PTN: variants seen among roughly 807,000 people sequenced by gnomAD.
PTN encodes pleiotrophin.
Under a neutral mutation model 24.1 loss-of-function variants are expected in PTN, and 18 were observed. The ratio of observed to expected loss-of-function variants is 0.75; its 90% CI spans 0.52 to 1.11. The LOEUF is 1.11. PTN is among the 50% of genes least tolerant of loss of function. The probability of loss-of-function intolerance (pLI) is 0.00; values close to 1 mark genes in which losing one functional copy is unlikely to be tolerated. For missense variants in PTN, 163 were observed against 198.8 expected (o/e 0.82, Z 1.08); for synonymous variants, 78 against 68.6 (o/e 1.14, Z -0.67).
At chr7:137,333,401 A>G (rs1184405437) in intron 1 of PTN, among the ~76,000 whole-genome samples, 1 of 152,164 alleles carries the variant, frequency 6.6e-6, no homozygotes, top group African/African-American at 2.4e-5. Flanking sequence ...CTGAGTGAAG[A>G]TTTTCTGTGT....
At chr7:137,283,890 C>T (rs994730477) in intron 1 of PTN, among the ~76,000 whole-genome samples, 10 of 149,068 alleles carry the variant, frequency 6.7e-5, no homozygotes, top group African/African-American at 2.2e-4. Context: ...TACTCAATCT[C>T]CTTCTACCTA....
chr7:137,276,391 A>G (rs572072360), intron 1 of PTN, among the ~76,000 whole-genome samples: 317 of 152,340 alleles, frequency 2.1e-3, no homozygotes, highest in Non-Finnish European at 3.7e-3. Context: ...AGAAACTATT[A>G]GAACAGTCCA....
chr7:137,283,125 AG>A lies in PTN; in HGVS notation c.-1-28152del, dbSNP rs1285084693. On this transcript the variant is annotated intron_variant, in intron 1 of 4. Transcript: ENST00000348225. ...CATCCCACAAGGTTCCCACACTGCT[AG>A]GAAGTGTCCACATGGGTACTAAGGC... is the stretch of plus-strand genomic sequence containing the variant. 1.3e-3 allele frequency among the ~76,000 whole-genome samples: 195 copies of A among 152,218 alleles called. 1 individual carries two copies. The highest frequency in any genetic ancestry group is 2.1e-3 in the Non-Finnish European group (143 of 68,034).
intron 4 of PTN, among the ~76,000 whole-genome samples, 182 bp from the exon 5 acceptor site, chr7:137,228,257 G>C (rs1383376454): frequency 6.6e-6 from 1 of 151,268 alleles, no homozygotes; most frequent in Non-Finnish European, 1.5e-5. Context: ...GTGTGTGTGT[G>C]TCTGTCTGTC....
At chr7:137,234,569 TAA>T (rs1808486891) in intron 4 of PTN, among the ~76,000 whole-genome samples, 2 of 152,040 alleles carry the variant, frequency 1.3e-5, no homozygotes, top group South Asian at 4.1e-4. Flanking sequence ...GTAGTTGGTA[TAA>T]GTAAACATCA....
At chr7:137,257,740 A>G (rs1015549291) in intron 1 of PTN, among the ~76,000 whole-genome samples, 2 of 152,226 alleles carry the variant, frequency 1.3e-5, no homozygotes, top group Admixed American at 6.5e-5. Context: ...ACAGTTACTT[A>G]CAAATATCAG....
intron 1 of PTN, among the ~76,000 whole-genome samples, chr7:137,268,430 C>A (rs1809202456): frequency 6.6e-6 from 1 of 151,976 alleles, no homozygotes; most frequent in African/African-American, 2.4e-5. Context: ...CATCAGCAGC[C>A]TAGCGTCTTA....
chr7:137,262,761 G>C (rs889240531), intron 1 of PTN, among the ~76,000 whole-genome samples: 2 of 152,164 alleles, frequency 1.3e-5, no homozygotes, highest in Non-Finnish European at 2.9e-5. Flanking sequence ...AGAATAGAAC[G>C]GGAGGTTTCA....
intron 4 of PTN, among the ~76,000 whole-genome samples, chr7:137,230,039 T>C (rs963763727): frequency 2.2e-4 from 33 of 151,956 alleles, no homozygotes; most frequent in Admixed American, 7.2e-4. Flanking sequence ...TGTTATCTTC[T>C]AGGTCTCCAG....
chr7:137,245,758 T>C (rs1039728517), intron 4 of PTN, among the ~76,000 whole-genome samples: 4 of 152,170 alleles, frequency 2.6e-5, no homozygotes, highest in Non-Finnish European at 5.9e-5. Context: ...ACAGTGATGT[T>C]GATGAACCTG....
At chr7:137,278,981 T>TAATAAA (rs1554466684) in intron 1 of PTN, among the ~76,000 whole-genome samples, 4,757 of 140,382 alleles carry the variant, frequency 0.034, 253 homozygotes, top group African/African-American at 0.11. Flanking sequence ...ATAATAATAA[T>TAATAAA]AAAATAAAGA....
At chr7:137,336,817 C>T (rs1166416206) in intron 1 of PTN, among the ~76,000 whole-genome samples, 1 of 152,174 alleles carries the variant, frequency 6.6e-6, no homozygotes, top group East Asian at 1.9e-4. Context: ...CAAACACTCC[C>T]AGCAATCAGA....
chr7:137,307,583 C>T (rs1448908661), intron 1 of PTN, among the ~76,000 whole-genome samples: 7 of 151,402 alleles, frequency 4.6e-5, no homozygotes. Context: ...AGAACTCAAA[C>T]TAAATATGTC....
intron 1 of PTN, among the ~76,000 whole-genome samples, chr7:137,341,949 GA>G (rs1239507320): frequency 1.3e-5 from 2 of 151,816 alleles, no homozygotes; most frequent in Admixed American, 6.6e-5. Flanking sequence ...CCCAAAGGAA[GA>G]AAAAAATATT....
At chr7:137,250,501 T>C (rs948888125) in intron 4 of PTN, among the ~76,000 whole-genome samples, 2 of 152,180 alleles carry the variant, frequency 1.3e-5, no homozygotes, top group African/African-American at 4.8e-5. Context: ...TACAGTGACA[T>C]TGTGAGGGGG....
At chr7:137,328,862 G>A (rs1810305212) in intron 1 of PTN, among the ~76,000 whole-genome samples, 1 of 152,154 alleles carries the variant, frequency 6.6e-6, no homozygotes, top group African/African-American at 2.4e-5. Flanking sequence ...TTGATCATAA[G>A]GAGGTAGAAA....
intron 1 of PTN, among the ~76,000 whole-genome samples, chr7:137,338,444 G>A (rs1810482887): frequency 6.6e-6 from 1 of 152,136 alleles, no homozygotes; most frequent in Admixed American, 6.6e-5. Flanking sequence ...AGAATAAACA[G>A]CATTAAAGGA....
chr7:137,277,799 G>C (rs1809386060), intron 1 of PTN, among the ~76,000 whole-genome samples: 1 of 151,852 alleles, frequency 6.6e-6, no homozygotes, highest in Admixed American at 6.6e-5. Flanking sequence ...CAAACTCCTG[G>C]GTTCAAGTGA....
chr7:137,242,437 G>T (rs1808647008), intron 4 of PTN, among the ~76,000 whole-genome samples: 1 of 152,048 alleles, frequency 6.6e-6, no homozygotes, highest in East Asian at 1.9e-4. Context: ...TTCATTCCCT[G>T]ACTCACCTGT....
Sources: gnomAD v4.1 joint callset for allele counts (sites outside exome capture counted in the v4.1 genomes callset) on GRCh38, gnomAD v4.1.1 for gene constraint, MANE v1.5 for transcripts, NCBI Gene and HGNC (gene_info 2026-07-23, HGNC 2026-07-21) for gene names.